The following SLC1A1 variants were observed in gnomAD, a reference collection of about 807,000 sequenced individuals.
SLC1A1 encodes excitatory amino acid transporter 3.
A neutral mutation model predicts 53.3 loss-of-function variants in SLC1A1; 43 were observed. The observed-to-expected ratio is 0.81, with a 90% CI of 0.63 to 1.04. SLC1A1 has a LOEUF of 1.04. Among genes scored for constraint, SLC1A1 ranks in the 50% least tolerant of loss-of-function variants. The probability of loss-of-function intolerance (pLI) is 0.00; values close to 1 mark genes in which losing one functional copy is unlikely to be tolerated. For missense variants in SLC1A1, 748 were observed against 664.9 expected (o/e 1.12, Z -1.37); for synonymous variants, 307 against 243.2 (o/e 1.26, Z -2.44).
At chr9:4,577,003 GGCTA>G (rs1038016741) in intron 10 of SLC1A1, among the ~76,000 whole-genome samples, 6 of 152,212 alleles carry the variant, frequency 3.9e-5, no homozygotes, top group African/African-American at 1.4e-4. Flanking sequence ...TCTAGGCACA[GGCTA>G]GCACAAAGAC....
intron 2 of SLC1A1, among the ~76,000 whole-genome samples, chr9:4,557,878 C>G (rs774661363): frequency 3.3e-5 from 5 of 152,134 alleles, no homozygotes; most frequent in Non-Finnish European, 5.9e-5. Context: ...ATTGAGATCC[C>G]AGCTCTACCA....
At chr9:4,560,577 A>G (rs1384648858) in intron 2 of SLC1A1, among the ~76,000 whole-genome samples, 1 of 152,198 alleles carries the variant, frequency 6.6e-6, no homozygotes, top group African/African-American at 2.4e-5. Context: ...GATAGTTGTA[A>G]TGAATATATA....
Position 4,544,625 on chromosome 9 carries a change from C to G in SLC1A1, c.150C>G (p.Phe50Leu). The G allele has an allele frequency of 6.2e-7, 1 of 1,613,526 alleles. No individual in the cohort carries two copies. Among genetic ancestry groups the G allele is most frequent in the Non-Finnish European group, 8.5e-7 (1 of 1,179,462 alleles). Residue 50 changes from phenylalanine (F) to leucine (L), a missense_variant, in exon 2 of 12, where the codon TTC (phenylalanine) becomes TTG (leucine). By Grantham distance (22) the Phe-to-Leu change is conservative. Transcript: ENST00000262352. ...GCAACCTCTCAACTCTAGAGAAATT[C>G]TACTTTGCTTTTCCTGGAGAAATTC... ...EHSNLSTLEK[F>L]YFAFPGEILM...
intron 2 of SLC1A1, among the ~76,000 whole-genome samples, chr9:4,546,936 G>A (rs1817542661): frequency 6.6e-6 from 1 of 152,208 alleles, no homozygotes; most frequent in Non-Finnish European, 1.5e-5. Flanking sequence ...CACCTGATGA[G>A]CAATACTATT....
chr9:4,502,532 G>A (rs1252116288), intron 1 of SLC1A1, among the ~76,000 whole-genome samples: 1 of 150,804 alleles, frequency 6.6e-6, no homozygotes, highest in South Asian at 2.1e-4. Context: ...TTTACCACGA[G>A]TTTTATGTAC....
At chr9:4,555,812 C>T (rs1383743876) in intron 2 of SLC1A1, among the ~76,000 whole-genome samples, 2 of 152,140 alleles carry the variant, frequency 1.3e-5, no homozygotes, top group African/African-American at 4.8e-5. Context: ...CTCTGAAAGC[C>T]CACAGTAACT....
chr9:4,496,872 G>C (rs939456994), intron 1 of SLC1A1, among the ~76,000 whole-genome samples: 5 of 152,152 alleles, frequency 3.3e-5, no homozygotes, highest in Admixed American at 6.5e-5. Context: ...CACTCCAGCT[G>C]AGGTGACAGT....
intron 1 of SLC1A1, among the ~76,000 whole-genome samples, chr9:4,525,082 G>A (rs954209040): frequency 6.6e-6 from 1 of 152,100 alleles, no homozygotes; most frequent in Non-Finnish European, 1.5e-5. Context: ...TATCCACATG[G>A]GGAAAAGTGA....
intron 5 of SLC1A1, among the ~76,000 whole-genome samples, chr9:4,566,819 GC>G (rs1341613080): frequency 1.3e-4 from 19 of 151,954 alleles, no homozygotes; most frequent in Non-Finnish European, 2.4e-4. Flanking sequence ...TTTACTTCAA[GC>G]CTTTCCCTCC....
intron 1 of SLC1A1, among the ~76,000 whole-genome samples, chr9:4,511,333 C>T (rs1231465103): frequency 1.3e-5 from 2 of 152,150 alleles, no homozygotes; most frequent in Non-Finnish European, 2.9e-5. Flanking sequence ...GCTGTTTCCT[C>T]ACACAGTGGA....
chr9:4,548,497 C>G (rs1040389287), intron 2 of SLC1A1, among the ~76,000 whole-genome samples: 2 of 151,726 alleles, frequency 1.3e-5, no homozygotes, highest in African/African-American at 4.9e-5. Flanking sequence ...ACTCTCTTGC[C>G]AAATTAACAG....
Position 4,549,148 on chromosome 9 carries a change from G to T in SLC1A1, c.232+4441G>T, listed in dbSNP as rs569575172. 2.0e-5 allele frequency among the ~76,000 whole-genome samples: 3 copies of T among 152,270 alleles called. No individual in the cohort carries two copies. Among genetic ancestry groups the T allele is most frequent in the African/African-American group, 4.8e-5 (2 of 41,554 alleles). Reference sequence around the variant, plus strand: ...ACACAGGGACAGAACAGCACCTCCAGTCCCGCTCCCAGAGGTCCCCTGAGC... The same window carrying T: ...ACACAGGGACAGAACAGCACCTCCATTCCCGCTCCCAGAGGTCCCCTGAGC... On this transcript the variant is annotated intron_variant, in intron 2 of 11. Coordinates refer to ENST00000262352, the MANE Select transcript of SLC1A1 (RefSeq NM_004170.6). The surrounding 1 kb of genome is among the most constrained non-coding windows in gnomAD (Gnocchi z 4.1).
intron 1 of SLC1A1, among the ~76,000 whole-genome samples, chr9:4,507,127 G>C (rs1252781687): frequency 1.3e-5 from 2 of 152,170 alleles, no homozygotes; most frequent in Non-Finnish European, 2.9e-5. Flanking sequence ...CCAGCCACTT[G>C]GGAGGTTGAG....
rs184981998 is a variant in SLC1A1 at position 4,573,824 on chromosome 9, C to T, written c.768-83C>T. 568 of 923,362 alleles carry T rather than the reference C, an allele frequency of 6.2e-4. 1 individual carries two copies. Among genetic ancestry groups the T allele is most frequent in the Non-Finnish European group, 6.5e-4 (357 of 551,340 alleles). 57.2% of individuals were successfully genotyped at this position (923,362 alleles called of 1,614,324 possible). On this transcript the variant is annotated intron_variant, in intron 7 of 11. Coordinates refer to ENST00000262352, the MANE Select transcript of SLC1A1 (RefSeq NM_004170.6). ...GTGCATGCCAAGCTGAGGGTGCCCA[C>T]ACTGGAGTGTTCCTTCCCCACCAAC...
chr9:4,491,251 C>T (rs533908040), intron 1 of SLC1A1, among the ~76,000 whole-genome samples: 1 of 152,296 alleles, frequency 6.6e-6, no homozygotes, highest in African/African-American at 2.4e-5. Flanking sequence ...TGGGCCGGAC[C>T]CTTAGGGGAG....
chr9:4,580,653 A>ATG (rs1564067284), intron 10 of SLC1A1, among the ~76,000 whole-genome samples: 6 of 30,434 alleles, frequency 2.0e-4, no homozygotes, highest in African/African-American at 5.9e-4. Flanking sequence ...GTGTGTGTGT[A>ATG]TAAGGAATAA....
chr9:4,517,913 G>A (rs893603073), intron 1 of SLC1A1, among the ~76,000 whole-genome samples: 24 of 152,124 alleles, frequency 1.6e-4, no homozygotes, highest in African/African-American at 5.3e-4. Context: ...TTGTTGAAAT[G>A]TATTTCAACC....
chr9:4,580,619 G>GTC lies in SLC1A1; in HGVS notation c.1194-2418_1194-2417insCT, dbSNP rs1820987635. ...AATATATATGTGTGTGTGTGTGTGT[G>GTC]TGTGTGTGTGTGTGTGTGTGTGTGT... On this transcript the variant is annotated intron_variant, in intron 10 of 11. Transcript: ENST00000262352. 2.6e-5 allele frequency among the ~76,000 whole-genome samples: 3 copies of GTC among 116,038 alleles called. No homozygotes were observed. The Admixed American group carries it at 3.0e-4, about 12-fold the overall frequency. The allele number at this position is 116,038 out of a possible 152,430, so 76.1% of individuals were successfully genotyped here.
At chr9:4,548,470 G>A (rs1357491111) in intron 2 of SLC1A1, among the ~76,000 whole-genome samples, 1 of 152,100 alleles carries the variant, frequency 6.6e-6, no homozygotes, top group Non-Finnish European at 1.5e-5. Flanking sequence ...AATAATCTGT[G>A]CTCCTGCATA....
Sources: gnomAD v4.1 joint callset for allele counts (sites outside exome capture counted in the v4.1 genomes callset) on GRCh38, gnomAD v4.1.1 for gene constraint, Gnocchi (gnomAD v3.1) non-coding constraint, MANE v1.5 for transcripts, NCBI Gene and HGNC (gene_info 2026-07-23, HGNC 2026-07-21) for gene names.